Variants in POU6F2 observed in about 807,000 individuals in gnomAD.
POU6F2 encodes the protein POU domain, class 6, transcription factor 2.
In POU6F2, 31 loss-of-function variants were observed where a neutral mutation model predicts 71.3. The observed-to-expected ratio is 0.43, with a 90% CI of 0.33 to 0.59. The LOEUF is 0.59. Ranked by LOEUF, POU6F2 falls within the 20% of genes least tolerant of loss-of-function variation. The pLI, the probability that POU6F2 is intolerant of heterozygous loss-of-function variation, is 0.04. For synonymous variants in POU6F2, 347 were observed against 355.7 expected (o/e 0.98, Z 0.27); for missense variants, 783 against 856.8 (o/e 0.91, Z 1.07).
chr7:39,219,628 C>A (rs1271462484), intron 4 of POU6F2, among the ~76,000 whole-genome samples: 1 of 152,140 alleles, frequency 6.6e-6, no homozygotes, highest in Admixed American at 6.6e-5. Flanking sequence ...CAAACGTAAT[C>A]TCTGAAAAAT....
intron 2 of POU6F2, among the ~76,000 whole-genome samples, chr7:39,193,279 G>A (rs1360484299): frequency 1.3e-5 from 2 of 152,066 alleles, no homozygotes; most frequent in African/African-American, 4.8e-5. Flanking sequence ...ATGGGGCACA[G>A]GAAAAGGATG....
chr7:39,081,218 T>A (rs1791112205), intron 1 of POU6F2, among the ~76,000 whole-genome samples: 1 of 152,222 alleles, frequency 6.6e-6, no homozygotes, highest in Admixed American at 6.5e-5. Context: ...TACACAAATA[T>A]GTACTTGTAG....
chr7:39,145,681 A>T (rs1389726227), intron 2 of POU6F2, among the ~76,000 whole-genome samples: 1 of 152,140 alleles, frequency 6.6e-6, no homozygotes, highest in Admixed American at 6.5e-5. Flanking sequence ...GGGAAAGAAC[A>T]GCTCCAGTGG....
chr7:39,366,680 T>G (rs1218328571), intron 5 of POU6F2, among the ~76,000 whole-genome samples: 3 of 152,110 alleles, frequency 2.0e-5, no homozygotes, highest in Admixed American at 6.5e-5. Flanking sequence ...ACAGCCAGAC[T>G]TCTGCTGGGG....
intron 1 of POU6F2, among the ~76,000 whole-genome samples, chr7:39,072,754 A>T (rs1417318540): frequency 6.6e-6 from 1 of 152,204 alleles, no homozygotes; most frequent in African/African-American, 2.4e-5. Context: ...GTTGCCGATT[A>T]TCTCCCTAAA....
At chr7:38,980,825 A>G (rs1788297950) in intron 1 of POU6F2, among the ~76,000 whole-genome samples, 1 of 151,998 alleles carries the variant, frequency 6.6e-6, no homozygotes, top group African/African-American at 2.4e-5. Flanking sequence ...AGGTTTTTTC[A>G]TTCACTCCTA....
intron 1 of POU6F2, among the ~76,000 whole-genome samples, chr7:38,992,303 T>G (rs1788625889): frequency 6.6e-6 from 1 of 152,192 alleles, no homozygotes; most frequent in Non-Finnish European, 1.5e-5. Flanking sequence ...CATTTCAGAG[T>G]GTATAAATGA....
intron 1 of POU6F2, among the ~76,000 whole-genome samples, chr7:38,991,126 T>C (rs531353892): frequency 3.2e-4 from 48 of 152,216 alleles, no homozygotes; most frequent in Non-Finnish European, 4.6e-4. Flanking sequence ...ATAGCACAAA[T>C]TATGGGCTCA....
chr7:39,421,693 GTTGT>G (rs559348508), intron 6 of POU6F2, among the ~76,000 whole-genome samples: 4 of 152,016 alleles, frequency 2.6e-5, no homozygotes, highest in African/African-American at 9.7e-5. Context: ...TTTTGTTGTT[GTTGT>G]TTGTTTGTTT....
At chr7:39,389,667 A>G (rs763638362) in intron 5 of POU6F2, among the ~76,000 whole-genome samples, 5 of 152,236 alleles carry the variant, frequency 3.3e-5, no homozygotes, top group Non-Finnish European at 7.3e-5. Context: ...TATCCAATAC[A>G]TATAAAAATT....
chr7:39,437,944 CT>C (rs113318873), intron 7 of POU6F2, among the ~76,000 whole-genome samples: 50,835 of 148,042 alleles, frequency 0.34, 9,513 homozygotes, highest in East Asian at 0.58. Context: ...GAGTGAGTTT[CT>C]TTTTTTTTTT....
In POU6F2 at chr7:39,127,882, G is replaced by A. The variant is rs369656590; in HGVS notation, c.277+41851G>A. The stretch of plus-strand genomic sequence containing the variant: ...TTTTGAGACGGAGTCTTGCTCTGTC[G>A]CCCAGGCTGGAGTGCAGTGGTGCAA... On this transcript the variant is annotated intron_variant, in intron 2 of 9. Transcript: ENST00000518318. Among the ~76,000 whole-genome samples the A allele has an allele frequency of 1.4e-3, 182 of 128,586 alleles. 3 individuals are homozygous for A. The South Asian group carries it at 0.023, about 16-fold the overall frequency. 84.4% of individuals were successfully genotyped at this position (128,586 alleles called of 152,430 possible).
At chr7:39,226,489 G>A (rs1412222714) in intron 4 of POU6F2, among the ~76,000 whole-genome samples, 1 of 152,164 alleles carries the variant, frequency 6.6e-6, no homozygotes, top group African/African-American at 2.4e-5. Flanking sequence ...ACATTTAAAA[G>A]CAACACAGAA....
chr7:39,120,142 T>C (rs921631477), intron 2 of POU6F2, among the ~76,000 whole-genome samples: 2 of 152,180 alleles, frequency 1.3e-5, no homozygotes, highest in African/African-American at 4.8e-5. Flanking sequence ...ATAAATTCAG[T>C]TCTATATTAT....
intron 4 of POU6F2, among the ~76,000 whole-genome samples, chr7:39,236,271 C>T (rs901214606): frequency 6.6e-6 from 1 of 152,152 alleles, no homozygotes; most frequent in Non-Finnish European, 1.5e-5. Context: ...AGGTTAAACA[C>T]AGTGATGAGT....
intron 4 of POU6F2, among the ~76,000 whole-genome samples, chr7:39,261,041 C>T (rs1784129653): frequency 6.7e-6 from 1 of 149,792 alleles, no homozygotes; most frequent in African/African-American, 2.5e-5. Context: ...ACATACCACA[C>T]ATCTACATAA....
intron 6 of POU6F2, among the ~76,000 whole-genome samples, chr7:39,419,041 A>G: frequency 6.8e-6 from 1 of 146,924 alleles, no homozygotes; most frequent in East Asian, 2.0e-4. Context: ...ATATATACAT[A>G]TATATGTATA....
At chr7:38,994,607 AG>A (rs1788688653) in intron 1 of POU6F2, among the ~76,000 whole-genome samples, 1 of 152,034 alleles carries the variant, frequency 6.6e-6, no homozygotes, top group Non-Finnish European at 1.5e-5. Context: ...TTGAGTCTGG[AG>A]GTGCTAATCA....
chr7:39,239,408 A>G (rs890448424), intron 4 of POU6F2, among the ~76,000 whole-genome samples: 15 of 152,120 alleles, frequency 9.9e-5, no homozygotes, highest in Admixed American at 3.3e-4. Flanking sequence ...GTATCAGAAT[A>G]TTTATGGTTT....
Sources: allele counts gnomAD v4.1 joint callset (sites outside exome capture counted in the v4.1 genomes callset), GRCh38; gene constraint gnomAD v4.1.1; transcripts MANE v1.5; gene names NCBI Gene and HGNC (gene_info 2026-07-23, HGNC 2026-07-21).